Variants in SAMD12 observed in about 807,000 individuals in gnomAD.
The protein encoded by SAMD12 is sterile alpha motif domain-containing protein 12.
Under a neutral mutation model 15.0 loss-of-function variants are expected in SAMD12, and 9 were observed. That is an observed-to-expected ratio of 0.60 (90% CI 0.36 to 1.05). The LOEUF (loss-of-function observed/expected upper bound fraction) is 1.05. Ranked by LOEUF, SAMD12 falls within the 50% of genes least tolerant of loss-of-function variation. The pLI, the probability that SAMD12 is intolerant of heterozygous loss-of-function variation, is 0.01. For missense variants in SAMD12, 230 were observed against 234.2 expected (o/e 0.98, Z 0.12); for synonymous variants, 86 against 90.1 (o/e 0.96, Z 0.25).
chr8:118,539,032 G>T (rs1402491321), intron 2 of SAMD12, among the ~76,000 whole-genome samples: 3 of 152,172 alleles, frequency 2.0e-5, no homozygotes, highest in African/African-American at 7.2e-5. Flanking sequence ...ACCCTTTCTA[G>T]CAATTCAAGC....
intron 1 of SAMD12, among the ~76,000 whole-genome samples, chr8:118,584,257 A>G (rs1231462164): frequency 1.3e-5 from 2 of 152,216 alleles, no homozygotes; most frequent in African/African-American, 4.8e-5. Flanking sequence ...CATTTTTGAT[A>G]GACTTTGCTT....
chr8:118,615,207 T>G (rs140052762), intron 1 of SAMD12, among the ~76,000 whole-genome samples: 34 of 152,208 alleles, frequency 2.2e-4, no homozygotes, highest in African/African-American at 8.2e-4. Flanking sequence ...TTTCCCCGAT[T>G]CCCACCCATC....
chr8:118,567,231 A>G (rs117943314), intron 2 of SAMD12, among the ~76,000 whole-genome samples: 1,952 of 152,264 alleles, frequency 0.013, 24 homozygotes, highest in Middle Eastern at 0.044. Context: ...CAGAGCAGAT[A>G]TCAGACCCCA....
At chr8:118,428,849 A>G (rs1822315307) in intron 3 of SAMD12, among the ~76,000 whole-genome samples, 1 of 152,178 alleles carries the variant, frequency 6.6e-6, no homozygotes, top group Non-Finnish European at 1.5e-5. Flanking sequence ...TTGTAATTTT[A>G]TAGTAAGTCT....
chr8:118,442,875 A>T (rs1020111890), intron 2 of SAMD12, among the ~76,000 whole-genome samples: 1 of 152,228 alleles, frequency 6.6e-6, no homozygotes, highest in African/African-American at 2.4e-5. Flanking sequence ...TCAATATATT[A>T]AACTTTTTCC....
chr8:118,483,445 A>G (rs1457095254), intron 2 of SAMD12, among the ~76,000 whole-genome samples: 2 of 152,200 alleles, frequency 1.3e-5, no homozygotes, highest in Non-Finnish European at 2.9e-5. Context: ...GTCATTTACA[A>G]TTTGCTTTAA....
intron 4 of SAMD12, among the ~76,000 whole-genome samples, chr8:118,311,621 G>T (rs1031852027): frequency 4.6e-5 from 7 of 152,226 alleles, no homozygotes; most frequent in African/African-American, 1.7e-4. Context: ...AGGCTCATAT[G>T]CACTTGGAGT....
At chr8:118,276,077 G>A (rs1813467537) in intron 4 of SAMD12, among the ~76,000 whole-genome samples, 1 of 152,134 alleles carries the variant, frequency 6.6e-6, no homozygotes, top group African/African-American at 2.4e-5. Context: ...TTATGCTCCA[G>A]AACATGATTA....
At position 118,379,342 on chromosome 8, in the gene SAMD12, T is replaced by G; in HGVS notation, c.*75A>C. On this transcript the variant is annotated 3_prime_UTR_variant, in exon 4 of 4. Transcript: ENST00000314727. Reference sequence around the variant, plus strand: ...CTTGAAGTTAGCTCAGGTAATTCTGTTTGCTCATCCATTACTTATTTGTGC... The same window carrying G: ...CTTGAAGTTAGCTCAGGTAATTCTGGTTGCTCATCCATTACTTATTTGTGC... 6.5e-7 allele frequency: 1 copy of G among 1,535,440 alleles called. No homozygotes were observed. Among genetic ancestry groups the G allele is most frequent in the Non-Finnish European group, 8.7e-7 (1 of 1,144,652 alleles).
chr8:118,471,693 T>C (rs1823796684), intron 2 of SAMD12, among the ~76,000 whole-genome samples: 1 of 152,196 alleles, frequency 6.6e-6, no homozygotes, highest in South Asian at 2.1e-4. Context: ...TTGGGTGTAG[T>C]GTCCATGAAA....
At chr8:118,586,228 T>G (rs909332477) in intron 1 of SAMD12, among the ~76,000 whole-genome samples, 3 of 152,198 alleles carry the variant, frequency 2.0e-5, no homozygotes, top group African/African-American at 7.2e-5. Flanking sequence ...CTTATTTGCA[T>G]AGATAACTGC....
At chr8:118,256,548 CA>C (rs1384582934) in intron 4 of SAMD12, among the ~76,000 whole-genome samples, 2 of 152,008 alleles carry the variant, frequency 1.3e-5, no homozygotes, top group African/African-American at 4.8e-5. Flanking sequence ...CTGCCATTCC[CA>C]AATAAAGCCT....
At chr8:118,320,820 A>AATATGTATAT (rs1563761162) in intron 4 of SAMD12, among the ~76,000 whole-genome samples, 4 of 123,048 alleles carry the variant, frequency 3.3e-5, no homozygotes, top group Non-Finnish European at 7.7e-5. Context: ...GTATAATAAA[A>AATATGTATAT]ATATATATAT....
chr8:118,468,209 G>A (rs1823652100), intron 2 of SAMD12, among the ~76,000 whole-genome samples: 2 of 152,136 alleles, frequency 1.3e-5, no homozygotes, highest in South Asian at 4.1e-4. Context: ...ATAAATGGTG[G>A]AAAAACAGCT....
At chr8:118,290,397 G>A (rs1814298858) in intron 4 of SAMD12, among the ~76,000 whole-genome samples, 1 of 152,142 alleles carries the variant, frequency 6.6e-6, no homozygotes. Flanking sequence ...TAGTGTGTTG[G>A]TCTTGAACCA....
At chr8:118,452,630 C>T (rs920753534) in intron 2 of SAMD12, among the ~76,000 whole-genome samples, 4 of 152,126 alleles carry the variant, frequency 2.6e-5, no homozygotes, top group Non-Finnish European at 5.9e-5. Flanking sequence ...GCAATTTTTA[C>T]ACCTTTATAG....
intron 3 of SAMD12, among the ~76,000 whole-genome samples, chr8:118,388,905 AAGAG>A (rs1016371021): frequency 3.3e-5 from 5 of 152,302 alleles, no homozygotes; most frequent in East Asian, 1.9e-4. Context: ...CAGAGAAAAA[AAGAG>A]AGAGAAAGAA....
At chr8:118,219,909 A>C (rs769149334) in intron 4 of SAMD12, among the ~76,000 whole-genome samples, 1 of 152,228 alleles carries the variant, frequency 6.6e-6, no homozygotes, top group Non-Finnish European at 1.5e-5. Context: ...AGATATAATA[A>C]AACAGTTGTT....
chr8:118,133,223 G>A, the SAMD12 span, among the ~76,000 whole-genome samples: 1 of 151,570 alleles, frequency 6.6e-6, no homozygotes, highest in Non-Finnish European at 1.5e-5. Flanking sequence ...ACCTAGCTCA[G>A]TGCCTCATGT....
Sources: gnomAD v4.1 joint callset for allele counts (sites outside exome capture counted in the v4.1 genomes callset) on GRCh38, gnomAD v4.1.1 for gene constraint, MANE v1.5 for transcripts, NCBI Gene and HGNC (gene_info 2026-07-23, HGNC 2026-07-21) for gene names.